The following GRK2 variants were observed in gnomAD, a reference collection of about 807,000 sequenced individuals.
GRK2 encodes G protein-coupled receptor kinase 2, also known as adrenergic beta receptor kinase 1.
GRK2 carries 23 observed loss-of-function variants against 97.8 expected under a neutral mutation model. The ratio of observed to expected loss-of-function variants is 0.24; its 90% CI spans 0.17 to 0.33. The LOEUF is 0.33. Among genes scored for constraint, GRK2 ranks in the 10% least tolerant of loss-of-function variants. GRK2 has a pLI of 1.00. For missense variants in GRK2, 633 were observed against 956.9 expected (o/e 0.66, Z 4.47); for synonymous variants, 425 against 381.7 (o/e 1.11, Z -1.32).
intron 1 of GRK2, among the ~76,000 whole-genome samples, chr11:67,274,514 T>G (rs1471695077): frequency 6.9e-5 from 8 of 116,058 alleles, no homozygotes; most frequent in African/African-American, 1.8e-4. Flanking sequence ...TTTTTTTTTT[T>G]TTTTTTTTGC....
At position 67,274,399 on chromosome 11, in the gene GRK2, G is replaced by T. The variant is rs543551496; in HGVS notation, c.114-2873G>T. ...GAAGCCCGGTGGCCCCCATTCCTGG[G>T]ACAATGCCCGGCTCCTGGTGGGTGA... On this transcript the variant is annotated intron_variant, in intron 1 of 20. Transcript: ENST00000308595. 1.3e-4 allele frequency among the ~76,000 whole-genome samples: 20 copies of T among 151,458 alleles called. No homozygotes were observed. The East Asian group carries it at 3.9e-3, about 30-fold the overall frequency.
In GRK2 at chr11:67,281,966, C is replaced by G; in HGVS notation, c.957+14C>G. 6.2e-7 allele frequency: 1 copy of G among 1,613,148 alleles called. No individual in the cohort carries two copies. The highest frequency in any genetic ancestry group is 8.5e-7 in the Non-Finnish European group (1 of 1,179,934). On this transcript the variant is annotated intron_variant, in intron 11 of 20. Transcript: ENST00000308595. The surrounding 1 kb of genome is among the most constrained non-coding windows in gnomAD (Gnocchi z 5.7). ...CGGGACCTGAAGGTGAGCGCCCCTGCTGTCCCCAGGCTGGACCTCCGTGGC... is the reference window on the plus strand; with the variant it reads ...CGGGACCTGAAGGTGAGCGCCCCTGGTGTCCCCAGGCTGGACCTCCGTGGC...
At position 67,286,429 on chromosome 11, in the gene GRK2, C is replaced by T. The variant is rs552349973; in HGVS notation, c.*979C>T. On this transcript the variant is annotated 3_prime_UTR_variant, in exon 21 of 21. Coordinates refer to ENST00000308595, the MANE Select transcript of GRK2 (RefSeq NM_001619.5). Reference sequence around the variant, plus strand: ...GTGTGGTGTCGCGCCTTCTCCCCCCCGGGGCTGGGTTGGCGCACCCTCCCC... The same window carrying T: ...GTGTGGTGTCGCGCCTTCTCCCCCCTGGGGCTGGGTTGGCGCACCCTCCCC... 83 of 699,530 alleles carry T rather than the reference C, an allele frequency of 1.2e-4. No individual in the cohort carries two copies. Among genetic ancestry groups the T allele is most frequent in the African/African-American group, 1.0e-3 (58 of 57,136 alleles). The allele number at this position is 699,530 out of a possible 1,614,324, so 43.3% of individuals were successfully genotyped here. A position where few individuals can be genotyped will look rare whatever the true frequency, so the allele number is the denominator to read the frequency against.
Position 67,269,954 on chromosome 11 carries a change from C to T in GRK2, c.113+3142C>T, listed in dbSNP as rs534671954. The stretch of plus-strand genomic sequence containing the variant: ...AATCCAAGGAAACAGTCCCTTTCCC[C>T]GACCTTCTTGTAGAAGGAGGTAGCG... On this transcript the variant is annotated intron_variant, in intron 1 of 20. Coordinates refer to ENST00000308595, the MANE Select transcript of GRK2 (RefSeq NM_001619.5). The surrounding 1 kb of genome is among the most constrained non-coding windows in gnomAD (Gnocchi z 4.1). Among the ~76,000 whole-genome samples the T allele has an allele frequency of 7.5e-4, 114 of 152,314 alleles. No homozygotes were observed. Among genetic ancestry groups the T allele is most frequent in the African/African-American group, 2.5e-3 (105 of 41,576 alleles).
rs938319163 is a variant in GRK2, at chr11:67,281,940, C to T, written c.945C>T (p.Tyr315=). The T allele has an allele frequency of 7.4e-6, 12 of 1,613,158 alleles. No homozygotes were observed. Among genetic ancestry groups the T allele is most frequent in the Non-Finnish European group, 1.0e-5 (12 of 1,179,916 alleles). ...ACATGCACAACCGCTTCGTGGTCTA[C>T]CGGGACCTGAAGGTGAGCGCCCCTG... ...LEHMHNRFVV[Y]RDLKPANILL... is the part of the protein sequence containing the mutation. Residue 315 remains tyrosine, a synonymous_variant, in exon 11 of 21, where the codon TAC becomes TAT. Coordinates refer to ENST00000308595, the MANE Select transcript of GRK2 (RefSeq NM_001619.5). This position sits in a 1 kb window ranked among gnomAD's most constrained non-coding sequence, Gnocchi z 5.7.
At chr11:67,279,964 C>T in intron 6 of GRK2, 64 bp downstream of exon 6, 3 of 1,536,928 alleles carry the variant, frequency 2.0e-6, no homozygotes, top group African/African-American at 1.4e-5. Context: ...AGGGGTATGG[C>T]TGGCGTGGAG....
In GRK2 at chr11:67,283,224, C is replaced by T. The variant is rs1240019144; in HGVS notation, c.1324C>T (p.Arg442Ter). ...DVNRRLGCLG[R>*]GAQEVKESPF... ...CAACCGGAGATTGGGCTGCCTGGGC[C>T]GAGGGTGAGTACCCTGGCGCCTTGG... The change falls in exon 15 of 21, where the codon CGA (arginine) becomes TGA (stop). Residue 442 changes from arginine to a stop codon, truncating the protein, a stop_gained. Transcript: ENST00000308595. LOFTEE classifies it high-confidence loss of function. 6.2e-7 allele frequency: 1 copy of T among 1,613,654 alleles called. No individual in the cohort carries two copies. Among genetic ancestry groups the T allele is most frequent in the Non-Finnish European group, 8.5e-7 (1 of 1,179,762 alleles).
chr11:67,285,691 G>GA lies in GRK2; in HGVS notation c.*243dup, dbSNP rs1860264516. The GA allele has an allele frequency of 1.9e-6, 1 of 533,124 alleles. No homozygotes were observed. The allele number at this position is 533,124 out of a possible 1,614,324, so 33.0% of individuals were successfully genotyped here. On this transcript the variant is annotated 3_prime_UTR_variant, in exon 21 of 21. Coordinates refer to ENST00000308595, the MANE Select transcript of GRK2 (RefSeq NM_001619.5). The stretch of plus-strand genomic sequence containing the variant: ...CCGCTCCCAGTGTCTTCCTGTGGGG[G>GA]AAGAGCACAGCCCTCCCGCCCCTTC...
chr11:67,283,106 A>G, intron 14 of GRK2, 22 bp from the exon 15 acceptor site: 1 of 1,610,114 alleles, frequency 6.2e-7, no homozygotes, highest in Non-Finnish European at 8.5e-7. Flanking sequence ...AGCCCCTGCT[A>G]ATGTCCCACT....
Position 67,281,190 on chromosome 11 carries a change from C to T in GRK2, c.647+6C>T, listed in dbSNP as rs1455569045. 3 of 1,610,708 alleles carry T rather than the reference C, an allele frequency of 1.9e-6. No individual in the cohort carries two copies. Among genetic ancestry groups the T allele is most frequent in the East Asian group, 2.2e-5 (1 of 44,830 alleles). ...AAGGCTGACACAGGCAAGATGTGAGCACCCTGCTCGGCGCGGTGGGATACC... is the reference window on the plus strand; with the variant it reads ...AAGGCTGACACAGGCAAGATGTGAGTACCCTGCTCGGCGCGGTGGGATACC... On this transcript the variant is annotated splice_donor_region_variant and intron_variant, in intron 8 of 20. Transcript: ENST00000308595. This position sits in a 1 kb window ranked among gnomAD's most constrained non-coding sequence, Gnocchi z 5.7.
chr11:67,280,932 TC>T, intron 7 of GRK2, 149 bp downstream of exon 7: 2 of 1,150,544 alleles, frequency 1.7e-6, no homozygotes, highest in Non-Finnish European at 1.3e-6. Flanking sequence ...AGGGCCGGGA[TC>T]CCAGCATGGG....
At chr11:67,280,964 T>C (rs1565066843) in intron 7 of GRK2, 129 bp from the exon 8 acceptor site, 2 of 1,102,378 alleles carry the variant, frequency 1.8e-6, no homozygotes, top group Non-Finnish European at 2.7e-6. Flanking sequence ...CAGGTAAATA[T>C]GTGGCAAGGA....
chr11:67,279,726 G>A, intron 5 of GRK2, 26 bp downstream of exon 5: 2 of 1,613,668 alleles, frequency 1.2e-6, no homozygotes, highest in Non-Finnish European at 1.7e-6. Context: ...TCCCTCCCCA[G>A]GCAAGGTCAC....
chr11:67,279,683 C>T lies in GRK2; in HGVS notation c.424C>T (p.Pro142Ser), dbSNP rs1356953611. ...VQGHLGKKQV[P>S]PDLFQPYIEE... is the part of the protein sequence containing the mutation. Reference sequence around the variant, plus strand: ...AGGCCACCTGGGGAAGAAGCAGGTGCCTCCGGATCTCTTCCAGGTGTGTGC... The same window carrying T: ...AGGCCACCTGGGGAAGAAGCAGGTGTCTCCGGATCTCTTCCAGGTGTGTGC... Residue 142 changes from proline (P) to serine (S), a missense_variant, in exon 5 of 21, where the codon CCT (proline) becomes TCT (serine). Around this residue, in one of 4 missense-constraint regions of GRK2, gnomAD observed 193 missense variants for 212.2 expected, o/e 0.91. Transcript: ENST00000308595. 6.2e-7 allele frequency: 1 copy of T among 1,613,602 alleles called. No individual in the cohort carries two copies. Among genetic ancestry groups the T allele is most frequent in the Admixed American group, 1.7e-5 (1 of 60,022 alleles).
chr11:67,282,683 A>G lies in GRK2; in HGVS notation c.1161-69A>G. ...CCGTCCCTGACTTTGGCCACAGCTC[A>G]TCCATGCTGCCTGCCTCCCTTTCCC... On this transcript the variant is annotated intron_variant, in intron 13 of 20. Coordinates refer to ENST00000308595, the MANE Select transcript of GRK2 (RefSeq NM_001619.5). The surrounding 1 kb of genome is among the most constrained non-coding windows in gnomAD (Gnocchi z 6.9). 1.9e-6 allele frequency: 3 copies of G among 1,592,194 alleles called. No individual in the cohort carries two copies. The highest frequency in any genetic ancestry group is 2.6e-6 in the Non-Finnish European group (3 of 1,166,766).
chr11:67,280,657 G>A, intron 6 of GRK2, 75 bp from the exon 7 acceptor site: 1 of 1,549,874 alleles, frequency 6.5e-7, no homozygotes. Flanking sequence ...AGTGGCGGCT[G>A]GGTGGGGAGG....
At chr11:67,280,626 T>TA in intron 6 of GRK2, 106 bp from the exon 7 acceptor site, 1 of 1,287,782 alleles carries the variant, frequency 7.8e-7, no homozygotes, top group Non-Finnish European at 1.1e-6. Flanking sequence ...TTTCCACACC[T>TA]ACCCTCACGG....
rs542440876 is a variant in GRK2 at position 67,277,329 on chromosome 11, G to A, written c.171G>A (p.Lys57=). The A allele has an allele frequency of 6.2e-7, 1 of 1,613,752 alleles. No homozygotes were observed. Among genetic ancestry groups the A allele is most frequent in the Non-Finnish European group, 8.5e-7 (1 of 1,179,946 alleles). The change falls in exon 2 of 21, where the codon AAG becomes AAA. Residue 57 remains lysine (K), a synonymous_variant. Coordinates refer to ENST00000308595, the MANE Select transcript of GRK2 (RefSeq NM_001619.5). ...LEDRGEVTFE[K]IFSQKLGYLL... is the part of the protein sequence containing the mutation. ...ACCGGGGCGAGGTGACCTTTGAGAA[G>A]ATCTTTTCCCAGAAGCTGGGTGAGT...
At position 67,285,201 on chromosome 11, in the gene GRK2, TGAGCCAGGGA is replaced by T. The variant is rs1860247917; in HGVS notation, c.1905+14_1905+23del. On this transcript the variant is annotated intron_variant, in intron 20 of 20. Transcript: ENST00000308595. ...TTTGCAGTGCGATGTGAGTGGGGGC[TGAGCCAGGGA>T]TGGGAGGGCCGAGGGGCCAGGCCAG... 1.9e-6 allele frequency: 3 copies of T among 1,613,052 alleles called. No individual in the cohort carries two copies. The highest frequency in any genetic ancestry group is 2.5e-6 in the Non-Finnish European group (3 of 1,179,826).
Sources: gnomAD v4.1 joint callset for allele counts (sites outside exome capture counted in the v4.1 genomes callset) on GRCh38, gnomAD v4.1.1 for gene constraint, gnomAD v4.1.1 regional missense constraint, Gnocchi (gnomAD v3.1) non-coding constraint, MANE v1.5 for transcripts, NCBI Gene and HGNC (gene_info 2026-07-23, HGNC 2026-07-21) for gene names.